Variants in CNTNAP2 observed in about 807,000 individuals in gnomAD.
CNTNAP2 encodes contactin associated protein 2.
A neutral mutation model predicts 155.2 loss-of-function variants in CNTNAP2; 98 were observed. The observed-to-expected ratio is 0.63, with a 90% CI of 0.54 to 0.75. The LOEUF (loss-of-function observed/expected upper bound fraction) is 0.75. Ranked by LOEUF, CNTNAP2 falls within the 30% of genes least tolerant of loss-of-function variation. The probability of loss-of-function intolerance (pLI) is 0.00; values close to 1 mark genes in which losing one functional copy is unlikely to be tolerated. For synonymous variants in CNTNAP2, 651 were observed against 631.2 expected, an observed-to-expected ratio of 1.03 and a Z score of -0.47; for missense variants, 1,727 against 1,688.1, an observed-to-expected ratio of 1.02 and a Z score of -0.40.
intron 15 of CNTNAP2, chr7:147,978,231 T>C (rs1195658781): frequency 3.8e-6 from 2 of 525,580 alleles, no homozygotes; most frequent in African/African-American, 1.9e-5. Context: ...GTAACAAGTT[T>C]GACTACCTAA....
At chr7:148,151,971 C>T (rs1287139854) in intron 17 of CNTNAP2, among the ~76,000 whole-genome samples, 1 of 152,068 alleles carries the variant, frequency 6.6e-6, no homozygotes, top group Non-Finnish European at 1.5e-5. Flanking sequence ...ACAGAATGGC[C>T]CAAGAGCTCC....
chr7:147,445,645 T>G (rs748778504), intron 10 of CNTNAP2, among the ~76,000 whole-genome samples: 1 of 152,320 alleles, frequency 6.6e-6, no homozygotes, highest in South Asian at 2.1e-4. Flanking sequence ...TATGCTGATT[T>G]ATTAGCTTAT....
chr7:146,620,530 G>A (rs534471526), intron 1 of CNTNAP2, among the ~76,000 whole-genome samples: 1 of 152,258 alleles, frequency 6.6e-6, no homozygotes, highest in South Asian at 2.1e-4. Flanking sequence ...GAGACTAATG[G>A]TGGAAGTTTC....
rs190781402 is a variant in CNTNAP2 at position 147,898,525 on chromosome 7, T to A, written c.2099-5040T>A. ...GAATTTTAACCCATATACCCAGATTTTTTTTTCTTTTTTTTTGAGACAGAG... is the reference window on the plus strand; with the variant it reads ...GAATTTTAACCCATATACCCAGATTATTTTTTCTTTTTTTTTGAGACAGAG... On this transcript the variant is annotated intron_variant, in intron 13 of 23. Coordinates refer to ENST00000361727, the MANE Select transcript of CNTNAP2 (RefSeq NM_014141.6). Among the ~76,000 whole-genome samples the A allele has an allele frequency of 2.6e-3, 358 of 139,572 alleles. 2 individuals are homozygous for A. Among genetic ancestry groups the A allele is most frequent in the Admixed American group, 7.4e-3 (103 of 13,886 alleles). The allele number at this position is 139,572 out of a possible 152,430, so 91.6% of individuals were successfully genotyped here. A position where few individuals can be genotyped will look rare whatever the true frequency, so the allele number is the denominator to read the frequency against.
intron 10 of CNTNAP2, among the ~76,000 whole-genome samples, chr7:147,483,222 A>T (rs1361563448): frequency 1.1e-5 from 1 of 90,612 alleles, no homozygotes; most frequent in African/African-American, 4.9e-5. Flanking sequence ...ATAGAAAAAA[A>T]TTAAAAATAA....
intron 1 of CNTNAP2, among the ~76,000 whole-genome samples, chr7:146,387,122 C>T (rs986862887): frequency 2.0e-5 from 3 of 152,196 alleles, no homozygotes; most frequent in African/African-American, 7.2e-5. Context: ...ATCTTTGAAG[C>T]TGTAATTTAC....
chr7:147,119,466 G>A (rs1393898283), intron 5 of CNTNAP2, among the ~76,000 whole-genome samples: 2 of 152,126 alleles, frequency 1.3e-5, no homozygotes, highest in Non-Finnish European at 2.9e-5. Context: ...TCTACCTGCT[G>A]CTCAGTCTAC....
At chr7:147,364,851 GAAA>G (rs548055443) in intron 9 of CNTNAP2, among the ~76,000 whole-genome samples, 1 of 139,274 alleles carries the variant, frequency 7.2e-6, no homozygotes, top group East Asian at 2.1e-4. Flanking sequence ...TCAGTCTCGG[GAAA>G]AAAAAAAAAA....
At chr7:147,533,166 ATGT>A (rs2116729442) in intron 11 of CNTNAP2, among the ~76,000 whole-genome samples, 1 of 152,274 alleles carries the variant, frequency 6.6e-6, no homozygotes, top group African/African-American at 2.4e-5. Context: ...CTGTTTGGGG[ATGT>A]TGTTTTGTTT....
chr7:146,524,902 G>T (rs1241648292), intron 1 of CNTNAP2, among the ~76,000 whole-genome samples: 2 of 152,006 alleles, frequency 1.3e-5, no homozygotes, highest in African/African-American at 4.8e-5. Context: ...CTGGCTACCT[G>T]AGCAAGCATT....
At chr7:146,816,968 A>G (rs1192109355) in intron 2 of CNTNAP2, among the ~76,000 whole-genome samples, 1 of 152,208 alleles carries the variant, frequency 6.6e-6, no homozygotes, top group Admixed American at 6.5e-5. Context: ...AAATCATTTA[A>G]TTCAGGTCTG....
At chr7:147,320,960 G>C (rs1286856348) in intron 9 of CNTNAP2, among the ~76,000 whole-genome samples, 1 of 152,160 alleles carries the variant, frequency 6.6e-6, no homozygotes, top group East Asian at 1.9e-4. Flanking sequence ...CATGCTTATG[G>C]TTTCCTTGGC....
intron 8 of CNTNAP2, among the ~76,000 whole-genome samples, chr7:147,295,643 CT>C (rs1805426210): frequency 6.6e-6 from 1 of 152,030 alleles, no homozygotes; most frequent in Non-Finnish European, 1.5e-5. Flanking sequence ...TGGAGACAGC[CT>C]TCAGGATACT....
intron 13 of CNTNAP2, among the ~76,000 whole-genome samples, chr7:147,856,206 C>T (rs1799035827): frequency 1.3e-5 from 2 of 152,144 alleles, no homozygotes; most frequent in African/African-American, 4.8e-5. Flanking sequence ...TAGTTCTAGA[C>T]CTTGGCTGCA....
At chr7:146,686,029 G>C (rs1800592636) in intron 1 of CNTNAP2, among the ~76,000 whole-genome samples, 1 of 152,082 alleles carries the variant, frequency 6.6e-6, no homozygotes, top group African/African-American at 2.4e-5. Context: ...AGGCATGATG[G>C]CTCACACCTG....
intron 20 of CNTNAP2, among the ~76,000 whole-genome samples, chr7:148,252,443 G>A (rs1379041280): frequency 3.9e-5 from 6 of 152,144 alleles, no homozygotes; most frequent in Admixed American, 3.9e-4. Context: ...GGTTCTTTCT[G>A]CTTCCAGGTG....
At chr7:146,455,442 C>T (rs557225488) in intron 1 of CNTNAP2, among the ~76,000 whole-genome samples, 5 of 152,134 alleles carry the variant, frequency 3.3e-5, no homozygotes, top group Non-Finnish European at 5.9e-5. Flanking sequence ...AAATGTGGAC[C>T]AGATGTTGGG....
chr7:147,378,945 A>G (rs1177300887), intron 9 of CNTNAP2, among the ~76,000 whole-genome samples: 2 of 151,850 alleles, frequency 1.3e-5, no homozygotes, highest in Non-Finnish European at 2.9e-5. Flanking sequence ...CGTGGGAGGG[A>G]CCCAGTGAGA....
intron 13 of CNTNAP2, among the ~76,000 whole-genome samples, chr7:147,818,460 T>C (rs1284061625): frequency 6.6e-6 from 1 of 152,176 alleles, no homozygotes; most frequent in Non-Finnish European, 1.5e-5. Context: ...CAGCCATCAG[T>C]CTTAGAAGAC....
Sources: gnomAD v4.1 joint callset for allele counts (sites outside exome capture counted in the v4.1 genomes callset) on GRCh38, gnomAD v4.1.1 for gene constraint, MANE v1.5 for transcripts, NCBI Gene and HGNC (gene_info 2026-07-23, HGNC 2026-07-21) for gene names.